Variants in NR3C2 observed in about 807,000 individuals in gnomAD.
NR3C2 encodes mineralocorticoid receptor.
Under a neutral mutation model 86.4 loss-of-function variants are expected in NR3C2, and 15 were observed. That is an observed-to-expected ratio of 0.17 (90% confidence interval 0.12 to 0.27). The LOEUF (loss-of-function observed/expected upper bound fraction) is 0.27, where lower values mean the gene tolerates loss of function less well. NR3C2 is among the 10% of genes least tolerant of loss of function. NR3C2 has a pLI of 1.00. For missense variants in NR3C2, 960 were observed against 1,195.6 expected (o/e 0.80, Z 2.91); for synonymous variants, 458 against 450.5 (o/e 1.02, Z -0.21).
At chr4:148,418,299 G>T (rs1442813126) in intron 2 of NR3C2, among the ~76,000 whole-genome samples, 2 of 152,072 alleles carry the variant, frequency 1.3e-5, no homozygotes, top group African/African-American at 4.8e-5. Flanking sequence ...AACAAAACTT[G>T]TGCTATTTGC....
intron 2 of NR3C2, among the ~76,000 whole-genome samples, chr4:148,261,420 T>C (rs111820268): frequency 0.023 from 3,469 of 151,360 alleles, 67 homozygotes; most frequent in African/African-American, 0.052. Context: ...TGGTGCGCTA[T>C]GGTAAGCGCT....
chr4:148,347,300 C>T (rs1745043196), intron 2 of NR3C2, among the ~76,000 whole-genome samples: 1 of 151,914 alleles, frequency 6.6e-6, no homozygotes, highest in Non-Finnish European at 1.5e-5. Flanking sequence ...CTTAACCCAC[C>T]CATGCTTCTT....
At chr4:148,319,046 T>C (rs1239236799) in intron 2 of NR3C2, among the ~76,000 whole-genome samples, 1 of 151,954 alleles carries the variant, frequency 6.6e-6, no homozygotes, top group African/African-American at 2.4e-5. Flanking sequence ...CTTGAATTGA[T>C]TTTTGTATAA....
At chr4:148,373,723 G>T (rs941508686) in intron 2 of NR3C2, among the ~76,000 whole-genome samples, 1 of 151,946 alleles carries the variant, frequency 6.6e-6, no homozygotes, top group African/African-American at 2.4e-5. Context: ...TAATCCACCT[G>T]CCTCGGCCTC....
At chr4:148,218,460 C>A (rs1737662929) in intron 3 of NR3C2, among the ~76,000 whole-genome samples, 1 of 152,130 alleles carries the variant, frequency 6.6e-6, no homozygotes, top group Admixed American at 6.5e-5. Flanking sequence ...CCATATTCAC[C>A]TAGTGGTTTT....
At chr4:148,149,620 G>C (rs1429558244) in intron 6 of NR3C2, among the ~76,000 whole-genome samples, 2 of 152,166 alleles carry the variant, frequency 1.3e-5, no homozygotes, top group African/African-American at 4.8e-5. Context: ...AAAAAGGCAA[G>C]CCACAGGTTG....
chr4:148,105,705 A>T (rs1560924218), intron 8 of NR3C2, among the ~76,000 whole-genome samples: 1 of 152,222 alleles, frequency 6.6e-6, no homozygotes, highest in Admixed American at 6.5e-5. Flanking sequence ...CATCCCTGGG[A>T]TGCAAGGCTG....
chr4:148,248,715 T>C (rs776155955), intron 3 of NR3C2, among the ~76,000 whole-genome samples: 2 of 152,180 alleles, frequency 1.3e-5, no homozygotes, highest in African/African-American at 2.4e-5. Context: ...TTCCCTAAAG[T>C]AACATATGTT....
At chr4:148,182,390 GTTAA>G (rs1276066549) in intron 4 of NR3C2, among the ~76,000 whole-genome samples, 1 of 152,086 alleles carries the variant, frequency 6.6e-6, no homozygotes, top group African/African-American at 2.4e-5. Context: ...ACTAATAAAA[GTTAA>G]TTATTTAATT....
intron 2 of NR3C2, among the ~76,000 whole-genome samples, chr4:148,383,315 T>TTA (rs1747093726): frequency 6.6e-6 from 1 of 152,170 alleles, no homozygotes; most frequent in South Asian, 2.1e-4. Flanking sequence ...AAGAGGTGTT[T>TTA]TATGTTTATA....
intron 4 of NR3C2, among the ~76,000 whole-genome samples, chr4:148,176,050 C>G (rs572131905): frequency 3.3e-4 from 50 of 152,252 alleles, no homozygotes; most frequent in African/African-American, 1.1e-3. Flanking sequence ...AGTTGCTGAC[C>G]ATCAGATGCA....
At chr4:148,247,240 G>C (rs1739361223) in intron 3 of NR3C2, among the ~76,000 whole-genome samples, 1 of 152,056 alleles carries the variant, frequency 6.6e-6, no homozygotes, top group African/African-American at 2.4e-5. Flanking sequence ...ATAATTTTCT[G>C]GTTTTACAGA....
intron 3 of NR3C2, among the ~76,000 whole-genome samples, chr4:148,253,474 C>T (rs1561002277): frequency 6.6e-6 from 1 of 152,182 alleles, no homozygotes; most frequent in East Asian, 1.9e-4. Context: ...CACGCATGCA[C>T]TCAATGTTCT....
intron 2 of NR3C2, among the ~76,000 whole-genome samples, chr4:148,399,956 T>C (rs1403005410): frequency 6.6e-6 from 1 of 152,196 alleles, no homozygotes; most frequent in East Asian, 1.9e-4. Context: ...AAAACATCAA[T>C]GAACGGTGAT....
At chr4:148,246,875 G>A (rs931060325) in intron 3 of NR3C2, among the ~76,000 whole-genome samples, 3 of 152,148 alleles carry the variant, frequency 2.0e-5, no homozygotes, top group African/African-American at 7.2e-5. Context: ...TTTTAAAAGG[G>A]AAGTTGCTTA....
chr4:148,339,496 TGC>T (rs1431354814), intron 2 of NR3C2, among the ~76,000 whole-genome samples: 1 of 152,204 alleles, frequency 6.6e-6, no homozygotes, highest in Non-Finnish European at 1.5e-5. Flanking sequence ...TTTGGTCAAG[TGC>T]TATGTTCATA....
rs121912563 is a variant in NR3C2 at position 148,114,132 on chromosome 4, A to G, written c.2771T>C (p.Leu924Pro). Residue 924 changes from leucine to proline, a missense_variant, in exon 8 of 9, where the codon CTG becomes CCG. Leu to Pro is a moderately conservative substitution (Grantham distance 98). Around this residue, in one of 4 missense-constraint regions of NR3C2, gnomAD observed 151 missense variants for 296.3 expected, o/e 0.51. Transcript: ENST00000358102. ...SGQSWQRFYQLTKLLDSMHDL... is the reference protein window; with the variant it reads ...SGQSWQRFYQPTKLLDSMHDL... Reference sequence around the variant, plus strand: ...ATGCATGGAGTCCAGCAGCTTGGTCAGTTGGTAGAACCTCTGCCAGCTCTG... The same window carrying G: ...ATGCATGGAGTCCAGCAGCTTGGTCGGTTGGTAGAACCTCTGCCAGCTCTG... 1.2e-6 allele frequency: 2 copies of G among 1,613,760 alleles called. No individual in the cohort carries two copies. The highest frequency in any genetic ancestry group is 1.7e-6 in the Non-Finnish European group (2 of 1,179,892).
intron 3 of NR3C2, among the ~76,000 whole-genome samples, chr4:148,258,778 C>A (rs1419354671): frequency 1.3e-5 from 2 of 152,198 alleles, no homozygotes; most frequent in African/African-American, 4.8e-5. Flanking sequence ...CATGGCTTGC[C>A]TGAAGCCAAG....
intron 2 of NR3C2, among the ~76,000 whole-genome samples, chr4:148,390,780 G>GC (rs1395034563): frequency 6.6e-6 from 1 of 152,032 alleles, no homozygotes; most frequent in Non-Finnish European, 1.5e-5. Context: ...ATTTTGACAG[G>GC]CCCCAAAAAT....
Sources: allele counts gnomAD v4.1 joint callset (sites outside exome capture counted in the v4.1 genomes callset), GRCh38; gene constraint gnomAD v4.1.1; regional missense constraint gnomAD v4.1.1; transcripts MANE v1.5; gene names NCBI Gene and HGNC (gene_info 2026-07-23, HGNC 2026-07-21).